The following LTF variants were observed in gnomAD, a reference collection of about 807,000 sequenced individuals.
LTF encodes lactotransferrin.
A neutral mutation model predicts 87.2 loss-of-function variants in LTF; 91 were observed. The observed-to-expected ratio is 1.04, with a 90% CI of 0.88 to 1.24. The LOEUF is 1.24. Among genes scored for constraint, LTF ranks in the 50% most tolerant of loss-of-function variants. The pLI, the probability that LTF is intolerant of heterozygous loss-of-function variation, is 0.00. For synonymous variants in LTF, 378 were observed against 356.1 expected, an observed-to-expected ratio of 1.06 and a Z score of -0.69; for missense variants, 901 against 904.3, an observed-to-expected ratio of 1.00 and a Z score of 0.05.
chr3:46,453,561 G>T (rs1387407226), intron 6 of LTF, among the ~76,000 whole-genome samples: 1 of 151,896 alleles, frequency 6.6e-6, no homozygotes, highest in Non-Finnish European at 1.5e-5. Flanking sequence ...TGATGGTCCT[G>T]AGTGAATGTG....
chr3:46,446,376 G>T, intron 11 of LTF, 64 bp downstream of exon 11: 3 of 1,375,330 alleles, frequency 2.2e-6, no homozygotes, highest in Non-Finnish European at 3.1e-6. Context: ...TACAGTTCCT[G>T]CCACTTCCTC....
intron 9 of LTF, 52 bp downstream of exon 9, chr3:46,448,811 C>T: frequency 6.3e-7 from 1 of 1,597,478 alleles, no homozygotes; most frequent in South Asian, 1.1e-5. Context: ...GATGCCCAGG[C>T]CCTAGGTCTT....
chr3:46,454,274 C>T (rs1702870236), intron 6 of LTF, 31 bp downstream of exon 6: 1 of 1,603,626 alleles, frequency 6.2e-7, no homozygotes, highest in South Asian at 1.1e-5. Context: ...TAAAAGGGGT[C>T]AGTACCCACG....
chr3:46,436,379 C>G (rs999661206), intron 16 of LTF, 150 bp from the exon 17 acceptor site: 17 of 723,720 alleles, frequency 2.3e-5, no homozygotes, highest in Non-Finnish European at 4.1e-5. Flanking sequence ...ATTCCCACTC[C>G]CCTACTCCTA....
At chr3:46,441,329 C>T in intron 14 of LTF, 87 bp downstream of exon 14, 1 of 1,059,762 alleles carries the variant, frequency 9.4e-7, no homozygotes, top group Non-Finnish European at 1.4e-6. Context: ...TGTTATAAAA[C>T]CTTCCCAAAG....
In LTF at chr3:46,439,469, C is replaced by T. The variant is rs772513366; in HGVS notation, c.1735G>A (p.Glu579Lys). 1.2e-6 allele frequency: 2 copies of T among 1,604,928 alleles called. No individual in the cohort carries two copies. The highest frequency in any genetic ancestry group is 1.7e-6 in the Non-Finnish European group (2 of 1,175,490). Reference sequence around the variant, plus strand: ...AGCTTCAAATCCTTAGCCCATGCCTCATTGTTATTTCCTGGGGAGAAAAAG... The same window carrying T: ...AGCTTCAAATCCTTAGCCCATGCCTTATTGTTATTTCCTGGGGAGAAAAAG... The part of the protein sequence containing the change: ...VLQNTDGNNN[E>K]AWAKDLKLAD... Residue 579 changes from glutamate (E) to lysine (K), a missense_variant, in exon 15 of 17, where the codon GAG becomes AAG. Transcript: ENST00000231751.
chr3:46,468,385 G>A (rs1370040331), upstream of LTF: 7 of 452,660 alleles, frequency 1.5e-5, no homozygotes, highest in African/African-American at 1.0e-4. Context: ...GGAGCACAAA[G>A]AAGGTAGCTG....
upstream of LTF, chr3:46,468,363 A>T: frequency 2.2e-6 from 1 of 456,282 alleles, no homozygotes; most frequent in South Asian, 1.5e-5. Context: ...TGAGACAGTA[A>T]CATGAGTTTA....
At chr3:46,478,847 C>A (rs1439392481) in intron 1 of LTF, among the ~76,000 whole-genome samples, 1 of 152,174 alleles carries the variant, frequency 6.6e-6, no homozygotes, top group Non-Finnish European at 1.5e-5. Flanking sequence ...ATTTTTTATG[C>A]CATTTTACAA....
intron 1 of LTF, among the ~76,000 whole-genome samples, chr3:46,482,746 G>GGAAGGAAA (rs1184085404): frequency 9.5e-6 from 1 of 105,280 alleles, no homozygotes; most frequent in African/African-American, 3.6e-5. Context: ...AAGGAAGGAA[G>GGAAGGAAA]GAAAGAAGGA....
chr3:46,470,656 C>G (rs1305610067), intron 1 of LTF, among the ~76,000 whole-genome samples: 1 of 152,238 alleles, frequency 6.6e-6, no homozygotes, highest in Non-Finnish European at 1.5e-5. Context: ...AGTGGACTTC[C>G]TCATCCCACC....
At chr3:46,485,100 A>G (rs1703500154) in exon 1 of LTF, 2 of 152,640 alleles carry the variant, frequency 1.3e-5, no homozygotes, top group East Asian at 3.9e-4. Flanking sequence ...AGCCAATAGC[A>G]GAAAGCCCAG....
rs751233544 is a variant in LTF, at chr3:46,449,945, A to G, written c.966T>C (p.Ser322=). ...GGGGCACCCTCGAAAACCCAATGGC[A>G]GAGTCCTTGAACAGCAGATCTTTCT... ...SGQKDLLFKD[S]AIGFSRVPPR... is the part of the protein sequence containing the mutation. The change falls in exon 8 of 17, where the codon TCT becomes TCC. Residue 322 remains serine (S), a synonymous_variant. Transcript: ENST00000231751. 24 of 1,614,090 alleles carry G rather than the reference A, an allele frequency of 1.5e-5. No individual in the cohort carries two copies. The highest frequency in any genetic ancestry group is 2.0e-5 in the Non-Finnish European group (24 of 1,180,040).
At chr3:46,446,356 C>T in intron 11 of LTF, 84 bp downstream of exon 11, 1 of 1,138,002 alleles carries the variant, frequency 8.8e-7, no homozygotes, top group Non-Finnish European at 1.3e-6. Flanking sequence ...GCAATTCTTT[C>T]TGTTTTTTTT....
At chr3:46,473,333 A>G (rs1393369312) in intron 1 of LTF, among the ~76,000 whole-genome samples, 1 of 152,152 alleles carries the variant, frequency 6.6e-6, no homozygotes, top group Non-Finnish European at 1.5e-5. Context: ...GGCAATGTGT[A>G]CTCAACTGTG....
intron 1 of LTF, among the ~76,000 whole-genome samples, chr3:46,483,018 A>G (rs1458461921): frequency 6.6e-6 from 1 of 152,152 alleles, no homozygotes; most frequent in African/African-American, 2.4e-5. Flanking sequence ...GTGGTGTAAA[A>G]ACTCCTCCAA....
At chr3:46,463,407 A>G (rs369920473) in intron 1 of LTF, 6 of 956,614 alleles carry the variant, frequency 6.3e-6, no homozygotes, top group South Asian at 4.8e-5. Flanking sequence ...CCTCCACCCA[A>G]TGCTCACACG....
intron 3 of LTF, 120 bp from the exon 4 acceptor site, chr3:46,456,098 A>T (rs980469466): frequency 9.8e-7 from 1 of 1,025,564 alleles, no homozygotes; most frequent in Non-Finnish European, 1.4e-6. Context: ...CTCACAGCTC[A>T]CGTGTGTCCT....
intron 1 of LTF, among the ~76,000 whole-genome samples, chr3:46,478,294 A>T (rs1703387878): frequency 6.6e-6 from 1 of 152,028 alleles, no homozygotes; most frequent in Non-Finnish European, 1.5e-5. Flanking sequence ...CCCGACTGTC[A>T]GTCTTGGCTT....
Sources: allele counts gnomAD v4.1 joint callset (sites outside exome capture counted in the v4.1 genomes callset), GRCh38; gene constraint gnomAD v4.1.1; transcripts MANE v1.5; gene names NCBI Gene and HGNC (gene_info 2026-07-23, HGNC 2026-07-21).